The following MCF2L variants were observed in gnomAD, a reference collection of about 807,000 sequenced individuals.
MCF2L encodes guanine nucleotide exchange factor DBS.
Under a neutral mutation model 153.4 loss-of-function variants are expected in MCF2L, and 97 were observed. That is an observed-to-expected ratio of 0.63 (90% CI 0.54 to 0.75). The LOEUF (loss-of-function observed/expected upper bound fraction) is 0.75. Among genes scored for constraint, MCF2L ranks in the 30% least tolerant of loss-of-function variants. The pLI is 0.00. For missense variants in MCF2L, 1,347 were observed against 1,495.2 expected, an observed-to-expected ratio of 0.90 and a Z score of 1.64; for synonymous variants, 659 against 632.2, an observed-to-expected ratio of 1.04 and a Z score of -0.64.
chr13:113,076,425 T>G (rs2033486563), intron 12 of MCF2L, among the ~76,000 whole-genome samples: 1 of 152,114 alleles, frequency 6.6e-6, no homozygotes, highest in African/African-American at 2.4e-5. Context: ...CCACCAAGCC[T>G]GGCTAATTTT....
chr13:113,018,183 GACTCCTGT>G (rs2084653767), intron 2 of MCF2L, among the ~76,000 whole-genome samples: 1 of 152,190 alleles, frequency 6.6e-6, no homozygotes, highest in African/African-American at 2.4e-5. Context: ...GGGGGCTCCG[GACTCCTGT>G]ACGTTGCCGC....
chr13:112,931,603 C>A (rs1033955603), intron 2 of MCF2L, among the ~76,000 whole-genome samples: 2 of 152,160 alleles, frequency 1.3e-5, no homozygotes, highest in Admixed American at 1.3e-4. Context: ...GCTGAGAGGG[C>A]CTGGAAGCAG....
At chr13:112,968,682 G>T, upstream of MCF2L, 1 of 1,478,826 alleles carries the variant, frequency 6.8e-7, no homozygotes, top group Admixed American at 2.2e-5. Context: ...TGCGGCCTCT[G>T]CAGCTTCTAC....
intron 2 of MCF2L, among the ~76,000 whole-genome samples, chr13:112,945,001 A>ATTTTTTTT (rs10690779): frequency 5.0e-5 from 7 of 139,350 alleles, no homozygotes; most frequent in Non-Finnish European, 9.2e-5. Context: ...AGGCACCACT[A>ATTTTTTTT]TTTTTTTTTT....
intron 1 of MCF2L, among the ~76,000 whole-genome samples, chr13:112,987,284 C>G (rs1206602614): frequency 2.0e-5 from 3 of 152,274 alleles, no homozygotes; most frequent in African/African-American, 7.2e-5. Context: ...TCTGCAGCCA[C>G]GCAGAGGGTG....
At chr13:113,063,953 G>C (rs978127485) in intron 5 of MCF2L, 13 of 419,524 alleles carry the variant, frequency 3.1e-5, no homozygotes, top group Non-Finnish European at 5.7e-5. Context: ...CTGTGGCATG[G>C]ATGACCCGTG....
chr13:113,087,536 G>C (rs1032511823), intron 22 of MCF2L, 80 bp downstream of exon 22: 2 of 1,276,034 alleles, frequency 1.6e-6, no homozygotes, highest in African/African-American at 2.9e-5. Context: ...GTCTGAGGTG[G>C]CCACGCTGAC....
intron 3 of MCF2L, among the ~76,000 whole-genome samples, chr13:113,033,633 TC>T (rs896413293): frequency 9.9e-5 from 15 of 150,910 alleles, no homozygotes; most frequent in South Asian, 4.2e-4. Context: ...CTGGGTGATT[TC>T]CCCCCCCCAC....
intron 2 of MCF2L, among the ~76,000 whole-genome samples, chr13:112,934,657 G>T (rs997666786): frequency 6.6e-6 from 1 of 150,830 alleles, no homozygotes; most frequent in Non-Finnish European, 1.5e-5. Context: ...GTTCTCAGCC[G>T]CCCAGTTGCA....
chr13:113,030,995 A>G (rs1020142840), intron 3 of MCF2L, among the ~76,000 whole-genome samples: 1 of 152,162 alleles, frequency 6.6e-6, no homozygotes, highest in African/African-American at 2.4e-5. Context: ...ACAGGGCAGC[A>G]GGGCTGTGGG....
chr13:113,013,243 TTCTG>T (rs2084290839), intron 1 of MCF2L, among the ~76,000 whole-genome samples: 1 of 152,198 alleles, frequency 6.6e-6, no homozygotes, highest in Non-Finnish European at 1.5e-5. Flanking sequence ...GATTGACTGT[TTCTG>T]TCTTTCTCCC....
chr13:113,096,798 TG>T lies in MCF2L; in HGVS notation c.3318del (p.Ser1107AlafsTer189). ...SSESSPGSAVLSNSSSCSEGG... is the reference protein window; with the variant it reads ...SSESSPGSAVXSNSSSCSEGG... ...GAGTCGAGCCCGGGGTCGGCCGTGC[TG>T]AGCAACTCGTCCAGCTGCAGCGAGG... On this transcript the variant is annotated frameshift_variant, in exon 30 of 30. Coordinates refer to ENST00000535094, the MANE Select transcript of MCF2L (RefSeq NM_001112732.3). LOFTEE classifies it high-confidence loss of function. 6.4e-7 allele frequency: 1 copy of T among 1,560,058 alleles called. No homozygotes were observed.
intron 3 of MCF2L, among the ~76,000 whole-genome samples, chr13:113,033,636 C>G (rs2993321): frequency 0.23 from 35,237 of 152,086 alleles, 4,395 homozygotes; most frequent in East Asian, 0.49. Flanking sequence ...GGTGATTTCC[C>G]CCCCCCACCC....
Position 113,053,611 on chromosome 13 carries a change from G to A in MCF2L, c.370-6982G>A, listed in dbSNP as rs1000484377. ...GGTCATGTGTGGTGATGCTCAGGAC[G>A]GGGCGAAGGTCCCGTGGCTGAGGTG... On this transcript the variant is annotated intron_variant, in intron 4 of 29. Transcript: ENST00000535094. The surrounding 1 kb of genome is among the most constrained non-coding windows in gnomAD (Gnocchi z 4.4). Among the ~76,000 whole-genome samples the A allele has an allele frequency of 6.6e-6, 1 of 152,170 alleles. No homozygotes were observed. The highest frequency in any genetic ancestry group is 2.4e-5 in the African/African-American group (1 of 41,450).
At chr13:112,962,175 G>GCA (rs1594388935) in intron 2 of MCF2L, among the ~76,000 whole-genome samples, 1 of 149,954 alleles carries the variant, frequency 6.7e-6, no homozygotes, top group African/African-American at 2.5e-5. Flanking sequence ...ATGCACAGAT[G>GCA]CACACACACG....
rs1332288345 is a variant in MCF2L, at chr13:113,087,339, G to A, written c.2478G>A (p.Lys826=). 6.2e-7 allele frequency: 1 copy of A among 1,613,284 alleles called. No homozygotes were observed. Among genetic ancestry groups the A allele is most frequent in the African/African-American group, 1.3e-5 (1 of 74,938 alleles). Residue 826 remains lysine, a synonymous_variant, in exon 22 of 30, where the codon AAG becomes AAA. Transcript: ENST00000535094. ...HTKVKELARF[K]PMQRHLFLHE... ...AGGTGAAGGAGCTGGCCAGGTTCAA[G>A]CCCATGCAGCGGCACCTGTTCCTGC...
At position 113,074,923 on chromosome 13, in the gene MCF2L, C is replaced by A; in HGVS notation, c.1117-75C>A. Reference sequence around the variant, plus strand: ...AGACACACGTGTGCCCCGGGACACACATCCCGTACAGCAAGGCACTGTGTG... The same window carrying A: ...AGACACACGTGTGCCCCGGGACACAAATCCCGTACAGCAAGGCACTGTGTG... On this transcript the variant is annotated intron_variant, in intron 10 of 29. Transcript: ENST00000535094. This position sits in a 1 kb window ranked among gnomAD's most constrained non-coding sequence, Gnocchi z 4.2. 7.6e-7 allele frequency: 1 copy of A among 1,322,592 alleles called. No homozygotes were observed. Among genetic ancestry groups the A allele is most frequent in the Non-Finnish European group, 1.0e-6 (1 of 956,622 alleles). The allele number at this position is 1,322,592 out of a possible 1,614,324, so 81.9% of individuals were successfully genotyped here. A position where few individuals can be genotyped will look rare whatever the true frequency, so the allele number is the denominator to read the frequency against.
upstream of MCF2L, among the ~76,000 whole-genome samples, chr13:112,964,627 A>C (rs1002151106): frequency 1.3e-5 from 2 of 152,264 alleles, no homozygotes; most frequent in Non-Finnish European, 2.9e-5. Context: ...TTTCTTTGCC[A>C]CAGTGTTTAT....
At chr13:113,001,765 A>T in intron 1 of MCF2L, 3 of 1,374,230 alleles carry the variant, frequency 2.2e-6, no homozygotes, top group Non-Finnish European at 2.8e-6. Context: ...GCTGCCCTGC[A>T]GAGGCCAGGT....
Sources: allele counts gnomAD v4.1 joint callset (sites outside exome capture counted in the v4.1 genomes callset), GRCh38; gene constraint gnomAD v4.1.1; non-coding constraint Gnocchi (gnomAD v3.1); transcripts MANE v1.5; gene names NCBI Gene and HGNC (gene_info 2026-07-23, HGNC 2026-07-21).